Variants in UBAC2 observed in about 807,000 individuals in gnomAD.
UBAC2 encodes ubiquitin-associated domain-containing protein 2.
In UBAC2, 26 loss-of-function variants were observed where a neutral mutation model predicts 44.0. The observed-to-expected ratio is 0.59, with a 90% CI of 0.43 to 0.82. The LOEUF is 0.82. Ranked by LOEUF, UBAC2 falls within the 40% of genes least tolerant of loss-of-function variation. UBAC2 has a pLI of 0.00. For missense variants in UBAC2, 329 were observed against 419.4 expected (o/e 0.78, Z 1.88); for synonymous variants, 155 against 154.3 (o/e 1.00, Z -0.04).
chr13:99,202,482 T>C (rs1229979950), intron 1 of UBAC2, among the ~76,000 whole-genome samples: 3 of 152,226 alleles, frequency 2.0e-5, no homozygotes, highest in Non-Finnish European at 4.4e-5. Flanking sequence ...CTTTAGCATT[T>C]TGATCTATCC....
chr13:99,353,576 C>T (rs1203721536), intron 7 of UBAC2, among the ~76,000 whole-genome samples: 1 of 152,142 alleles, frequency 6.6e-6, no homozygotes, highest in African/African-American at 2.4e-5. Context: ...TATCAGTAAT[C>T]CTAATTCTTT....
At chr13:99,380,443 C>G (rs1308955583) in intron 8 of UBAC2, among the ~76,000 whole-genome samples, 1 of 152,152 alleles carries the variant, frequency 6.6e-6, no homozygotes, top group Non-Finnish European at 1.5e-5. Flanking sequence ...CCAAAGAGCC[C>G]TACAGACAAC....
chr13:99,217,234 CAG>C (rs1266014732), intron 1 of UBAC2, among the ~76,000 whole-genome samples: 1 of 152,180 alleles, frequency 6.6e-6, no homozygotes, highest in East Asian at 1.9e-4. Flanking sequence ...GAGATGTTGG[CAG>C]AGTCAGTCCC....
intron 4 of UBAC2, among the ~76,000 whole-genome samples, chr13:99,283,990 C>G (rs2043987374): frequency 6.6e-6 from 1 of 152,118 alleles, no homozygotes; most frequent in South Asian, 2.1e-4. Context: ...GCCTTGGCCT[C>G]CCAAAGTGCT....
At chr13:99,268,230 C>G (rs2043768360) in intron 4 of UBAC2, among the ~76,000 whole-genome samples, 1 of 152,166 alleles carries the variant, frequency 6.6e-6, no homozygotes, top group South Asian at 2.1e-4. Context: ...TTTCGGGGAG[C>G]TGCTAGCAGT....
intron 1 of UBAC2, among the ~76,000 whole-genome samples, chr13:99,217,391 A>C (rs1300106899): frequency 6.6e-6 from 1 of 152,174 alleles, no homozygotes; most frequent in East Asian, 1.9e-4. Flanking sequence ...TCCACCATGC[A>C]GGCGTGTGTT....
At chr13:99,221,825 G>A (rs1024692487) in intron 1 of UBAC2, among the ~76,000 whole-genome samples, 2 of 152,052 alleles carry the variant, frequency 1.3e-5, no homozygotes, top group African/African-American at 2.4e-5. Context: ...CCTCTGTTTC[G>A]CTCCCCGTGT....
intron 4 of UBAC2, among the ~76,000 whole-genome samples, chr13:99,276,966 C>T (rs1480499021): frequency 6.6e-6 from 1 of 152,124 alleles, no homozygotes; most frequent in Non-Finnish European, 1.5e-5. Flanking sequence ...AAGCCCTGGC[C>T]CTGCAACCTT....
At chr13:99,349,006 C>T (rs1458307314) in intron 7 of UBAC2, among the ~76,000 whole-genome samples, 1 of 152,128 alleles carries the variant, frequency 6.6e-6, no homozygotes, top group African/African-American at 2.4e-5. Context: ...AGGAAGAAGA[C>T]CAGGTGGGAG....
intron 8 of UBAC2, among the ~76,000 whole-genome samples, chr13:99,375,970 ATTTT>A (rs34164759): frequency 3.8e-5 from 5 of 130,834 alleles, no homozygotes; most frequent in Admixed American, 7.6e-5. Context: ...AGCCCAGCTA[ATTTT>A]TTTTTTTTTT....
At chr13:99,265,531 A>T (rs549842905) in intron 4 of UBAC2, among the ~76,000 whole-genome samples, 1 of 152,342 alleles carries the variant, frequency 6.6e-6, no homozygotes, top group South Asian at 2.1e-4. Context: ...TATCTGTGAC[A>T]CATCTCTCTT....
Position 99,359,888 on chromosome 13 carries a change from C to T in UBAC2, c.808-7899C>T, listed in dbSNP as rs150255753. Among the ~76,000 whole-genome samples, 203 of 152,282 alleles carry T rather than the reference C, an allele frequency of 1.3e-3. 4 individuals are homozygous for T. The East Asian group carries it at 0.027, about 20-fold the overall frequency. On this transcript the variant is annotated intron_variant, in intron 7 of 8. Coordinates refer to ENST00000403766, the MANE Select transcript of UBAC2 (RefSeq NM_001144072.2). ...TGCATGGTGGCCTGCAGGGGGCCAC[C>T]GATTGTAGACTGGAGGTGCCCCTGC...
chr13:99,255,441 TCC>T (rs2043532714), intron 4 of UBAC2: 2 of 1,613,880 alleles, frequency 1.2e-6, no homozygotes, highest in South Asian at 1.1e-5. Context: ...TTATCCAGAC[TCC>T]CACACACGCC....
chr13:99,296,616 T>C (rs1046713245), intron 4 of UBAC2, among the ~76,000 whole-genome samples: 1 of 152,164 alleles, frequency 6.6e-6, no homozygotes, highest in African/African-American at 2.4e-5. Flanking sequence ...CAAATGCATA[T>C]CACTGCCAGG....
chr13:99,332,876 G>T (rs1394764085), intron 6 of UBAC2, among the ~76,000 whole-genome samples: 2 of 152,188 alleles, frequency 1.3e-5, no homozygotes, highest in East Asian at 3.9e-4. Context: ...TCCAACATAT[G>T]GTCTTTTTCT....
intron 4 of UBAC2, 97 bp from the exon 5 acceptor site, chr13:99,314,000 T>G: frequency 1.7e-6 from 2 of 1,188,828 alleles, no homozygotes; most frequent in South Asian, 3.1e-5. Flanking sequence ...GCTTTCAGAC[T>G]GAAATAAAAT....
intron 4 of UBAC2, among the ~76,000 whole-genome samples, chr13:99,285,575 A>G (rs1858629570): frequency 6.6e-6 from 1 of 151,874 alleles, no homozygotes; most frequent in Non-Finnish European, 1.5e-5. Flanking sequence ...AATTTTTTAT[A>G]GAGACAACGT....
intron 4 of UBAC2, among the ~76,000 whole-genome samples, chr13:99,309,480 G>A (rs548141709): frequency 7.9e-5 from 12 of 152,266 alleles, no homozygotes; most frequent in East Asian, 1.9e-4. Context: ...GTAAGAGGCC[G>A]CTGAAGCTGT....
chr13:99,234,552 T>G (rs2043213533), intron 1 of UBAC2: 1 of 154,002 alleles, frequency 6.5e-6, no homozygotes, highest in Non-Finnish European at 1.4e-5. Flanking sequence ...GAGAATTAGG[T>G]CAGATGAAGT....
Sources: gnomAD v4.1 joint callset for allele counts (sites outside exome capture counted in the v4.1 genomes callset) on GRCh38, gnomAD v4.1.1 for gene constraint, MANE v1.5 for transcripts, NCBI Gene and HGNC (gene_info 2026-07-23, HGNC 2026-07-21) for gene names.